Variants in RNF216 observed in about 807,000 individuals in gnomAD.
The protein encoded by RNF216 is ring finger protein 216.
Under a neutral mutation model 110.8 loss-of-function variants are expected in RNF216, and 72 were observed. That is an observed-to-expected ratio of 0.65 (90% CI 0.54 to 0.79). The LOEUF is 0.79. RNF216 is among the 30% of genes least tolerant of loss of function. RNF216 has a pLI of 0.00. For synonymous variants in RNF216, 495 were observed against 407.5 expected (o/e 1.21, Z -2.59); for missense variants, 1,342 against 1,141.2 (o/e 1.18, Z -2.54).
chr7:5,742,408 T>C (rs1554261960), intron 3 of RNF216, among the ~76,000 whole-genome samples: 1 of 151,826 alleles, frequency 6.6e-6, no homozygotes, highest in Non-Finnish European at 1.5e-5. Flanking sequence ...GATACAACAA[T>C]GAAAGAATGC....
intron 2 of RNF216, among the ~76,000 whole-genome samples, chr7:5,759,774 G>C (rs775006240): frequency 5.3e-5 from 8 of 151,808 alleles, no homozygotes; most frequent in Non-Finnish European, 1.2e-4. Context: ...TGGGACTACA[G>C]GCATGCACCA....
At chr7:5,698,349 CA>C (rs1791752849) in intron 13 of RNF216, among the ~76,000 whole-genome samples, 1 of 151,256 alleles carries the variant, frequency 6.6e-6, no homozygotes, top group Non-Finnish European at 1.5e-5. Flanking sequence ...TCATCGGTTA[CA>C]ATGAAGTCCA....
At chr7:5,683,985 T>A (rs1790815621) in intron 13 of RNF216, among the ~76,000 whole-genome samples, 1 of 151,690 alleles carries the variant, frequency 6.6e-6, no homozygotes, top group Non-Finnish European at 1.5e-5. Context: ...CCAGTAGGGG[T>A]CTTGTGGCGG....
intron 13 of RNF216, among the ~76,000 whole-genome samples, chr7:5,684,419 CT>C (rs1343087610): frequency 2.6e-5 from 4 of 152,138 alleles, no homozygotes; most frequent in Non-Finnish European, 5.9e-5. Context: ...CAAGCTGGGC[CT>C]TCTAAGCCGA....
intron 1 of RNF216, among the ~76,000 whole-genome samples, chr7:5,763,236 T>C (rs938506113): frequency 2.0e-5 from 3 of 152,170 alleles, no homozygotes; most frequent in African/African-American, 4.8e-5. Flanking sequence ...ACACTCCACA[T>C]ATTGATTGTG....
In RNF216 at chr7:5,646,395, A is replaced by G. The variant is rs527962771; in HGVS notation, c.2160-5019T>C. Among the ~76,000 whole-genome samples the G allele has an allele frequency of 2.0e-5, 3 of 151,958 alleles. No individual in the cohort carries two copies. The East Asian group carries it at 5.8e-4, about 29-fold the overall frequency. Reference sequence around the variant, plus strand: ...TCCCAAAACAAAACAAAACAAAACAAAAGGAAAAAAAAAGGGGGCCAGGTG... The same window carrying G: ...TCCCAAAACAAAACAAAACAAAACAGAAGGAAAAAAAAAGGGGGCCAGGTG... On this transcript the variant is annotated intron_variant, in intron 14 of 16. Coordinates refer to ENST00000389902, the MANE Select transcript of RNF216 (RefSeq NM_207111.4).
At chr7:5,635,021 CATG>C (rs1292245116) in intron 15 of RNF216, among the ~76,000 whole-genome samples, 10 of 152,174 alleles carry the variant, frequency 6.6e-5, no homozygotes, top group Non-Finnish European at 1.2e-4. Flanking sequence ...ACCTAACGAC[CATG>C]TATTTGTGGC....
Position 5,757,793 on chromosome 7 carries a change from A to C in RNF216, c.67+3210T>G, listed in dbSNP as rs1314485033. Among the ~76,000 whole-genome samples, 4 of 152,316 alleles carry C rather than the reference A, an allele frequency of 2.6e-5. No homozygotes were observed. The East Asian group carries it at 7.7e-4, about 29-fold the overall frequency. ...GGAGTGATAGAAAATGTTCCATATCATAATTCAGGTGGTATATTCATTTTA... is the reference window on the plus strand; with the variant it reads ...GGAGTGATAGAAAATGTTCCATATCCTAATTCAGGTGGTATATTCATTTTA... On this transcript the variant is annotated intron_variant, in intron 2 of 16. Transcript: ENST00000389902.
intron 15 of RNF216, among the ~76,000 whole-genome samples, chr7:5,629,715 T>C (rs1199620558): frequency 6.7e-6 from 1 of 149,730 alleles, no homozygotes; most frequent in East Asian, 2.0e-4. Flanking sequence ...TAATCTCAAC[T>C]ACTCGGGAGG....
At chr7:5,781,292 G>A (rs549395048) in intron 1 of RNF216, among the ~76,000 whole-genome samples, 100 of 152,224 alleles carry the variant, frequency 6.6e-4, no homozygotes, top group Non-Finnish European at 1.2e-3. Context: ...GAAGTGGCGA[G>A]AGGGGGCCAC....
Position 5,713,765 on chromosome 7 carries a change from A to C in RNF216, c.1834-902T>G, listed in dbSNP as rs59518633. Among the ~76,000 whole-genome samples, 197 of 152,382 alleles carry C rather than the reference A, an allele frequency of 1.3e-3. 1 individual carries two copies. The highest frequency in any genetic ancestry group is 4.5e-3 in the African/African-American group (186 of 41,590). On this transcript the variant is annotated intron_variant, in intron 11 of 16. Transcript: ENST00000389902. ...AAATGGAAAAAGACGACATTTTAAA[A>C]ATAACTAGCTAAAATTTATGAGGCA...
chr7:5,649,387 A>G (rs78480370), intron 14 of RNF216, among the ~76,000 whole-genome samples: 1 of 22,322 alleles, frequency 4.5e-5, no homozygotes, highest in Non-Finnish European at 7.3e-5. Context: ...TCTCCAAAGG[A>G]AAAAAAAAAA....
intron 9 of RNF216, among the ~76,000 whole-genome samples, chr7:5,720,214 T>C (rs1440256567): frequency 6.6e-6 from 1 of 152,218 alleles, no homozygotes; most frequent in Non-Finnish European, 1.5e-5. Flanking sequence ...GACCCACTTA[T>C]GTGCTGATTT....
intron 13 of RNF216, among the ~76,000 whole-genome samples, chr7:5,663,233 C>T (rs541437582): frequency 6.6e-6 from 1 of 152,270 alleles, no homozygotes; most frequent in African/African-American, 2.4e-5. Context: ...AGATGACGTC[C>T]TGCTGGTCAC....
chr7:5,633,848 G>A (rs187187747), intron 15 of RNF216, among the ~76,000 whole-genome samples: 2 of 152,302 alleles, frequency 1.3e-5, no homozygotes, highest in Admixed American at 1.3e-4. Context: ...GAATTTACCA[G>A]AGAGGTTTTA....
intron 13 of RNF216, among the ~76,000 whole-genome samples, chr7:5,706,244 G>T (rs1009611466): frequency 6.6e-6 from 1 of 151,168 alleles, no homozygotes. Flanking sequence ...AAAAAATTGT[G>T]GTGAAAACAC....
chr7:5,717,061 A>T (rs2128633167), intron 9 of RNF216, among the ~76,000 whole-genome samples: 1 of 152,298 alleles, frequency 6.6e-6, no homozygotes, highest in South Asian at 2.1e-4. Context: ...GAACAAATAA[A>T]AACTAAGTTT....
intron 15 of RNF216, among the ~76,000 whole-genome samples, chr7:5,632,386 T>A (rs1463797705): frequency 6.6e-6 from 1 of 152,192 alleles, no homozygotes; most frequent in African/African-American, 2.4e-5. Flanking sequence ...CTAATCCCAG[T>A]GAAAACTTTC....
intron 14 of RNF216, among the ~76,000 whole-genome samples, chr7:5,647,286 G>A (rs939560116): frequency 2.7e-5 from 4 of 150,052 alleles, no homozygotes; most frequent in South Asian, 2.1e-4. Context: ...CAATGCAGCT[G>A]ACTTGCCATG....
Sources: gnomAD v4.1 joint callset for allele counts (sites outside exome capture counted in the v4.1 genomes callset) on GRCh38, gnomAD v4.1.1 for gene constraint, MANE v1.5 for transcripts, NCBI Gene and HGNC (gene_info 2026-07-23, HGNC 2026-07-21) for gene names.